DIAPH2: variants seen among roughly 807,000 people sequenced by gnomAD.
DIAPH2 encodes the protein diaphanous related formin 2.
A neutral mutation model predicts 92.7 loss-of-function variants in DIAPH2; 35 were observed. The observed-to-expected ratio is 0.38, with a 90% CI of 0.29 to 0.50. The LOEUF (loss-of-function observed/expected upper bound fraction) is 0.50, where lower values mean the gene tolerates loss of function less well. Ranked by LOEUF, DIAPH2 falls within the 20% of genes least tolerant of loss-of-function variation. The pLI is 0.94. For synonymous variants in DIAPH2, 301 were observed against 280.4 expected (o/e 1.07, Z -0.73); for missense variants, 701 against 819.5 (o/e 0.86, Z 1.77).
In DIAPH2 at chrX:97,597,525, A is replaced by G. The variant is rs1282733616; in HGVS notation, c.3242-1728A>G. 2.7e-5 allele frequency among the ~76,000 whole-genome samples: 3 copies of G among 111,061 alleles called. No homozygotes were observed. The East Asian group carries it at 8.6e-4, about 32-fold the overall frequency. Reference sequence around the variant, plus strand: ...TGAAGTGTGGATGCCTGTTGACCTTAGTGTGTAGGACCACCAAGGCACAAG... The same window carrying G: ...TGAAGTGTGGATGCCTGTTGACCTTGGTGTGTAGGACCACCAAGGCACAAG... On this transcript the variant is annotated intron_variant, in intron 26 of 26. Coordinates refer to ENST00000324765, the MANE Select transcript of DIAPH2 (RefSeq NM_006729.5).
intron 17 of DIAPH2, among the ~76,000 whole-genome samples, chrX:97,019,152 G>T (rs897508143): frequency 1.8e-5 from 2 of 111,778 alleles, no homozygotes; most frequent in African/African-American, 6.5e-5. Flanking sequence ...TAGTAATTAT[G>T]AATAAAGCTG....
chrX:96,883,072 T>G (rs1210837343), intron 5 of DIAPH2, among the ~76,000 whole-genome samples: 1 of 109,892 alleles, frequency 9.1e-6, no homozygotes, highest in Non-Finnish European at 1.9e-5. Flanking sequence ...AAAAACTTAC[T>G]GTGATTTTAT....
intron 4 of DIAPH2, among the ~76,000 whole-genome samples, chrX:96,760,222 G>A (rs997723240): frequency 4.5e-5 from 5 of 111,588 alleles, no homozygotes; most frequent in Admixed American, 3.8e-4. Context: ...TTGGAAAGAC[G>A]TTAATTAGTA....
chrX:97,421,694 C>T (rs1014146117), intron 25 of DIAPH2, among the ~76,000 whole-genome samples: 1 of 111,924 alleles, frequency 8.9e-6, no homozygotes, highest in Non-Finnish European at 1.9e-5. Context: ...TAATTGATTT[C>T]TCTCCCAATC....
intron 17 of DIAPH2, among the ~76,000 whole-genome samples, chrX:97,000,401 G>A (rs1016076054): frequency 4.5e-5 from 5 of 111,799 alleles, no homozygotes; most frequent in Admixed American, 9.5e-5. Flanking sequence ...ATTTAATCCC[G>A]CAGCTTTTAG....
chrX:97,294,858 G>C (rs2068630126), intron 23 of DIAPH2, among the ~76,000 whole-genome samples: 1 of 111,463 alleles, frequency 9.0e-6, no homozygotes, highest in African/African-American at 3.3e-5. Flanking sequence ...TTGCTTTTGT[G>C]TACGAAACAC....
rs773665704 is a variant in DIAPH2, at chrX:97,192,293, CA to C, written c.2719+50520del. Among the ~76,000 whole-genome samples the C allele has an allele frequency of 8.5e-3, 276 of 32,373 alleles. 1 individual carries two copies. The highest frequency in any genetic ancestry group is 0.07 in the Middle Eastern group (5 of 71). 28.1% of individuals were successfully genotyped at this position (32,373 alleles called of 115,157 possible). The stretch of plus-strand genomic sequence containing the variant: ...TGGGCAAGAGAGTGAGACTCCGTCT[CA>C]AAAAAAAAAAAAAAAAAAAAGAAAA... On this transcript the variant is annotated intron_variant, in intron 22 of 26. Coordinates refer to ENST00000324765, the MANE Select transcript of DIAPH2 (RefSeq NM_006729.5).
chrX:96,779,517 CCTTA>C (rs757346836), intron 4 of DIAPH2, among the ~76,000 whole-genome samples: 9 of 111,750 alleles, frequency 8.1e-5, no homozygotes, highest in Non-Finnish European at 1.3e-4. Flanking sequence ...TATATTTAGG[CCTTA>C]CTTATATTCA....
intron 26 of DIAPH2, among the ~76,000 whole-genome samples, chrX:97,455,397 T>G (rs1258128469): frequency 8.9e-6 from 1 of 112,364 alleles, no homozygotes; most frequent in Non-Finnish European, 1.9e-5. Context: ...AAAATATATC[T>G]TTTTTCCTCA....
At chrX:97,288,630 A>G (rs1168347231) in intron 23 of DIAPH2, among the ~76,000 whole-genome samples, 1 of 108,922 alleles carries the variant, frequency 9.2e-6, no homozygotes, top group Non-Finnish European at 1.9e-5. Context: ...AGTCTCAGCT[A>G]CTTGGGAGGC....
intron 26 of DIAPH2, among the ~76,000 whole-genome samples, chrX:97,514,618 GT>G (rs1378965853): frequency 9.0e-6 from 1 of 111,055 alleles, no homozygotes; most frequent in Non-Finnish European, 1.9e-5. Flanking sequence ...TTTCTGCTCT[GT>G]TTTTTCCCCA....
At chrX:97,463,426 C>T (rs5967313) in intron 26 of DIAPH2, among the ~76,000 whole-genome samples, 41,772 of 108,428 alleles carry the variant, frequency 0.39, 5,868 homozygotes, top group East Asian at 0.56. Context: ...GAGTCTCACT[C>T]TGTCACCAAG....
chrX:97,181,163 G>A (rs893978155), intron 22 of DIAPH2, among the ~76,000 whole-genome samples: 2 of 108,860 alleles, frequency 1.8e-5, no homozygotes, highest in African/African-American at 6.7e-5. Flanking sequence ...TCTGCCTCCT[G>A]GGTTCAAGTG....
chrX:97,224,018 C>T (rs1602429194), intron 22 of DIAPH2, among the ~76,000 whole-genome samples: 1 of 111,372 alleles, frequency 9.0e-6, no homozygotes, highest in Admixed American at 9.6e-5. Context: ...CCCTTATTAA[C>T]GATAGCACAT....
At chrX:97,244,812 C>T (rs1390345445) in intron 22 of DIAPH2, among the ~76,000 whole-genome samples, 1 of 111,850 alleles carries the variant, frequency 8.9e-6, no homozygotes, top group Non-Finnish European at 1.9e-5. Flanking sequence ...GCTCTCAGGC[C>T]GGACATGGTG....
chrX:97,285,876 C>T (rs963982096), intron 23 of DIAPH2, among the ~76,000 whole-genome samples: 4 of 110,387 alleles, frequency 3.6e-5, no homozygotes, highest in African/African-American at 6.6e-5. Context: ...GGATTACAGG[C>T]GTGAGCCACT....
chrX:97,368,063 C>T (rs962901445), intron 24 of DIAPH2, among the ~76,000 whole-genome samples: 2 of 112,423 alleles, frequency 1.8e-5, no homozygotes, highest in Non-Finnish European at 3.8e-5. Context: ...TTTTGCCTAA[C>T]CCTTCAGCAG....
chrX:97,509,471 C>CTTTTTTT (rs57153955), intron 26 of DIAPH2, among the ~76,000 whole-genome samples: 2 of 6,734 alleles, frequency 3.0e-4, no homozygotes, highest in African/African-American at 6.9e-4. Flanking sequence ...ATTCATGTTG[C>CTTTTTTT]TTTTTTTTTT....
intron 22 of DIAPH2, among the ~76,000 whole-genome samples, chrX:97,182,483 A>G (rs2067548149): frequency 9.0e-6 from 1 of 111,532 alleles, no homozygotes; most frequent in South Asian, 3.8e-4. Context: ...GTGATGATTG[A>G]TAGGAATCAT....
Sources: allele counts gnomAD v4.1 joint callset (sites outside exome capture counted in the v4.1 genomes callset), GRCh38; gene constraint gnomAD v4.1.1; transcripts MANE v1.5; gene names NCBI Gene and HGNC (gene_info 2026-07-23, HGNC 2026-07-21).